ADAMTS17: variants seen among roughly 807,000 people sequenced by gnomAD.
ADAMTS17 encodes ADAM metallopeptidase with thrombospondin type 1 motif 17.
In ADAMTS17, 113 loss-of-function variants were observed where a neutral mutation model predicts 141.5. The observed-to-expected ratio is 0.80, with a 90% confidence interval of 0.69 to 0.93. ADAMTS17 has a LOEUF of 0.93. Among genes scored for constraint, ADAMTS17 ranks in the 40% least tolerant of loss-of-function variants. The pLI, the probability that ADAMTS17 is intolerant of heterozygous loss-of-function variation, is 0.00. For synonymous variants in ADAMTS17, 768 were observed against 630.6 expected, an observed-to-expected ratio of 1.22 and a Z score of -3.27; for missense variants, 1,659 against 1,517.9, an observed-to-expected ratio of 1.09 and a Z score of -1.54.
chr15:100,049,604 T>C (rs1473314829), intron 17 of ADAMTS17, among the ~76,000 whole-genome samples: 1 of 152,310 alleles, frequency 6.6e-6, no homozygotes, highest in South Asian at 2.1e-4. Context: ...GCCCTTCTTA[T>C]AGGTGTTCCC....
intron 18 of ADAMTS17, among the ~76,000 whole-genome samples, chr15:100,009,696 A>G (rs1450026457): frequency 1.3e-5 from 2 of 152,220 alleles, no homozygotes; most frequent in African/African-American, 4.8e-5. Flanking sequence ...TCTTGTTAAG[A>G]GGAGTTGCTG....
intron 13 of ADAMTS17, 127 bp from the exon 14 acceptor site, chr15:100,109,243 G>A: frequency 1.3e-6 from 1 of 784,240 alleles, no homozygotes; most frequent in Non-Finnish European, 1.8e-6. Context: ...AAAGGTGCAT[G>A]AGCTCAGGTA....
At chr15:100,206,106 G>C (rs901689930) in intron 7 of ADAMTS17, among the ~76,000 whole-genome samples, 4 of 152,228 alleles carry the variant, frequency 2.6e-5, no homozygotes, top group Admixed American at 2.6e-4. Flanking sequence ...CCTGTGTGGG[G>C]AGCAACGGCG....
intron 20 of ADAMTS17, among the ~76,000 whole-genome samples, chr15:99,983,887 G>C (rs764331950): frequency 3.3e-5 from 5 of 152,318 alleles, no homozygotes; most frequent in Admixed American, 1.3e-4. Context: ...TGCTTGGCTG[G>C]TGAAATGTCA....
chr15:100,092,372 G>A (rs1446471814), intron 15 of ADAMTS17, among the ~76,000 whole-genome samples: 1 of 152,208 alleles, frequency 6.6e-6, no homozygotes, highest in African/African-American at 2.4e-5. Context: ...CGTGAGCCAG[G>A]CAAGAGCCAC....
chr15:100,160,854 C>T (rs563704090), intron 8 of ADAMTS17, among the ~76,000 whole-genome samples: 8 of 152,112 alleles, frequency 5.3e-5, no homozygotes, highest in Non-Finnish European at 8.8e-5. Flanking sequence ...AGCATTAGAC[C>T]GGGAGGAGCC....
At position 100,302,822 on chromosome 15, in the gene ADAMTS17, G is replaced by A. The variant is rs559383851; in HGVS notation, c.617-21421C>T. On this transcript the variant is annotated intron_variant, in intron 3 of 21. Transcript: ENST00000268070. Reference sequence around the variant, plus strand: ...ATTCACATTTGAATCAGTGGGCTGCGAAAGGCAGGCCCACCCTTAATCTAG... The same window carrying A: ...ATTCACATTTGAATCAGTGGGCTGCAAAAGGCAGGCCCACCCTTAATCTAG... Among the ~76,000 whole-genome samples, 79 of 152,256 alleles carry A rather than the reference G, an allele frequency of 5.2e-4. No individual in the cohort carries two copies. The East Asian group carries it at 0.012, about 22-fold the overall frequency.
Position 99,976,049 on chromosome 15 carries a change from G to A in ADAMTS17, c.3123C>T (p.Arg1041=). 6.4e-7 allele frequency: 1 copy of A among 1,550,448 alleles called. No individual in the cohort carries two copies. The highest frequency in any genetic ancestry group is 8.7e-7 in the Non-Finnish European group (1 of 1,146,250). ...GGGGCCAGTGAAGACACTCACCAAG[G>A]CGGGGGGAGGTGATGGTGTTGGCGT... is the stretch of plus-strand genomic sequence containing the variant. ...RINANTITSP[R]LAALTYKCTR... Residue 1041 remains arginine (R), a synonymous_variant, in exon 21 of 22, where the codon CGC becomes CGT. Coordinates refer to ENST00000268070, the MANE Select transcript of ADAMTS17 (RefSeq NM_139057.4).
intron 8 of ADAMTS17, among the ~76,000 whole-genome samples, chr15:100,155,672 G>A (rs1720809119): frequency 6.6e-6 from 1 of 152,176 alleles, no homozygotes; most frequent in Admixed American, 6.5e-5. Flanking sequence ...ATATTCCAAT[G>A]TTCATGGTTT....
rs1053491966 is a variant in ADAMTS17 at position 100,072,287 on chromosome 15, C to G, written c.2138-18233G>C. Among the ~76,000 whole-genome samples the G allele has an allele frequency of 6.7e-5, 10 of 148,642 alleles. 1 individual carries two copies. Among genetic ancestry groups the G allele is most frequent in the Admixed American group, 2.0e-4 (3 of 14,814 alleles). On this transcript the variant is annotated intron_variant, in intron 15 of 21. Transcript: ENST00000268070. ...CAAACAAATGGAAGAACATTCCATG[C>G]TCATGGGTAGGAAGAATCAATATCA...
chr15:100,222,991 T>TGA (rs2042182398), intron 7 of ADAMTS17, among the ~76,000 whole-genome samples: 1 of 152,232 alleles, frequency 6.6e-6, no homozygotes, highest in South Asian at 2.1e-4. Context: ...AGCTAGGCTT[T>TGA]CACATTTCTT....
Position 99,974,207 on chromosome 15 carries a change from GAAAGCC to G in ADAMTS17, c.*189_*194del, listed in dbSNP as rs2060270632. The G allele has an allele frequency of 3.0e-6, 2 of 671,530 alleles. No homozygotes were observed. The highest frequency in any genetic ancestry group is 5.1e-6 in the Non-Finnish European group (2 of 393,716). The allele number at this position is 671,530 out of a possible 1,614,324, so 41.6% of individuals were successfully genotyped here. On this transcript the variant is annotated 3_prime_UTR_variant, in exon 22 of 22. Coordinates refer to ENST00000268070, the MANE Select transcript of ADAMTS17 (RefSeq NM_139057.4). ...TCATGCCTACTTTCTCCTCACTGTA[GAAAGCC>G]AGCCAGTGGCTGTTAACAATATATT...
intron 15 of ADAMTS17, among the ~76,000 whole-genome samples, chr15:100,066,538 T>C (rs1452192903): frequency 1.3e-5 from 2 of 152,216 alleles, no homozygotes; most frequent in Non-Finnish European, 2.9e-5. Flanking sequence ...AGTGTAGGTC[T>C]CTTGGTTGTT....
intron 7 of ADAMTS17, among the ~76,000 whole-genome samples, chr15:100,203,436 G>C (rs1402502355): frequency 6.6e-6 from 1 of 152,228 alleles, no homozygotes; most frequent in Non-Finnish European, 1.5e-5. Context: ...GTTGGGTGTG[G>C]TGGCCCACGC....
chr15:100,325,529 T>C (rs2045872964), intron 3 of ADAMTS17, among the ~76,000 whole-genome samples: 1 of 152,184 alleles, frequency 6.6e-6, no homozygotes, highest in African/African-American at 2.4e-5. Context: ...TGCCCAATGC[T>C]GGAGGTGGAG....
At chr15:100,196,338 TTG>T (rs1168556193) in intron 8 of ADAMTS17, among the ~76,000 whole-genome samples, 3 of 152,254 alleles carry the variant, frequency 2.0e-5, no homozygotes, top group Non-Finnish European at 2.9e-5. Context: ...AAATCTAGCT[TTG>T]TGTTTTCTGA....
intron 4 of ADAMTS17, 144 bp downstream of exon 4, chr15:100,281,084 TG>T: frequency 8.3e-7 from 1 of 1,201,372 alleles, no homozygotes; most frequent in Non-Finnish European, 1.2e-6. Context: ...CCCTCCTCAA[TG>T]CCCAGAATTA....
intron 14 of ADAMTS17, among the ~76,000 whole-genome samples, chr15:100,100,824 AT>A (rs2141043696): frequency 6.6e-6 from 1 of 152,192 alleles, no homozygotes; most frequent in African/African-American, 2.4e-5. Context: ...GCACATATGA[AT>A]TTAAGACCCT....
At chr15:100,138,526 G>T (rs1444681944) in intron 10 of ADAMTS17, among the ~76,000 whole-genome samples, 1 of 152,186 alleles carries the variant, frequency 6.6e-6, no homozygotes. Context: ...GATTTTGACA[G>T]CCCCGAATGA....
Sources: allele counts gnomAD v4.1 joint callset (sites outside exome capture counted in the v4.1 genomes callset), GRCh38; gene constraint gnomAD v4.1.1; transcripts MANE v1.5; gene names NCBI Gene and HGNC (gene_info 2026-07-23, HGNC 2026-07-21).